MAD1L1: variants seen among roughly 807,000 people sequenced by gnomAD.
MAD1L1 encodes the protein mitotic arrest deficient 1 like 1, also known as mitotic spindle assembly checkpoint protein MAD1.
A neutral mutation model predicts 96.9 loss-of-function variants in MAD1L1; 95 were observed. That is an observed-to-expected ratio of 0.98 (90% confidence interval 0.83 to 1.16). The LOEUF is 1.16. Ranked by LOEUF, MAD1L1 falls within the 50% of genes most tolerant of loss-of-function variation. The pLI is 0.00. For missense variants in MAD1L1, 1,007 were observed against 954.4 expected, an observed-to-expected ratio of 1.06 and a Z score of -0.73; for synonymous variants, 473 against 396.6, an observed-to-expected ratio of 1.19 and a Z score of -2.29.
intron 10 of MAD1L1, among the ~76,000 whole-genome samples, chr7:2,151,271 A>C (rs376529830): frequency 1.1e-4 from 16 of 152,274 alleles, no homozygotes; most frequent in African/African-American, 3.9e-4. Context: ...AAAATCGCAT[A>C]TATCCACATC....
At chr7:1,906,999 A>AAG (rs1331726822) in intron 17 of MAD1L1, among the ~76,000 whole-genome samples, 1 of 152,158 alleles carries the variant, frequency 6.6e-6, no homozygotes, top group Non-Finnish European at 1.5e-5. Context: ...AGGCAGGCCG[A>AAG]AGAGAGGCCA....
At chr7:2,124,854 G>T (rs1327218006) in intron 11 of MAD1L1, among the ~76,000 whole-genome samples, 3 of 152,198 alleles carry the variant, frequency 2.0e-5, no homozygotes, top group East Asian at 1.9e-4. Flanking sequence ...GGTGAAGGAG[G>T]ACGCAGGGGC....
chr7:1,939,863 C>A (rs896968441), intron 16 of MAD1L1, among the ~76,000 whole-genome samples: 1 of 152,226 alleles, frequency 6.6e-6, no homozygotes, highest in African/African-American at 2.4e-5. Flanking sequence ...CCCTGGGGAC[C>A]TCACTTGGGC....
At chr7:2,067,608 G>C (rs956274670) in intron 12 of MAD1L1, among the ~76,000 whole-genome samples, 2 of 152,090 alleles carry the variant, frequency 1.3e-5, no homozygotes, top group Admixed American at 1.3e-4. Flanking sequence ...CCAAACCCCC[G>C]CAGTGGTCAG....
intron 17 of MAD1L1, among the ~76,000 whole-genome samples, chr7:1,925,311 A>G (rs140324004): frequency 0.013 from 1,971 of 152,330 alleles, 32 homozygotes; most frequent in African/African-American, 0.045. Flanking sequence ...AGGGAGAGAC[A>G]CTTTGAAATT....
chr7:1,928,437 G>T (rs565096021), intron 17 of MAD1L1, among the ~76,000 whole-genome samples: 47 of 147,108 alleles, frequency 3.2e-4, no homozygotes, highest in African/African-American at 9.8e-4. Flanking sequence ...TGCTCCCCAC[G>T]ACCCACCGGT....
chr7:2,031,090 C>G (rs945470960), intron 12 of MAD1L1, among the ~76,000 whole-genome samples: 65 of 152,246 alleles, frequency 4.3e-4, no homozygotes, highest in African/African-American at 1.5e-3. Flanking sequence ...CTCCAGCAGC[C>G]AGCTGTGCAT....
At chr7:1,983,931 T>G (rs1781037535) in intron 14 of MAD1L1, among the ~76,000 whole-genome samples, 1 of 152,262 alleles carries the variant, frequency 6.6e-6, no homozygotes, top group Non-Finnish European at 1.5e-5. Flanking sequence ...CCTATTAACT[T>G]CTGCTTTGAT....
At chr7:1,865,427 C>A (rs1784734112) in intron 18 of MAD1L1, among the ~76,000 whole-genome samples, 1 of 152,248 alleles carries the variant, frequency 6.6e-6, no homozygotes, top group Non-Finnish European at 1.5e-5. Context: ...GCCCTGAGTG[C>A]CCACAGCAGA....
intron 13 of MAD1L1, among the ~76,000 whole-genome samples, chr7:2,010,600 A>G (rs1782254270): frequency 6.6e-6 from 1 of 152,236 alleles, no homozygotes; most frequent in Non-Finnish European, 1.5e-5. Context: ...AAACTTCACC[A>G]GACGGGTCTG....
At chr7:1,958,693 G>A (rs1166008348) in intron 15 of MAD1L1, among the ~76,000 whole-genome samples, 6 of 152,234 alleles carry the variant, frequency 3.9e-5, no homozygotes, top group Non-Finnish European at 1.5e-5. Flanking sequence ...GCAGCAGGAA[G>A]ACACGGCCTA....
chr7:2,086,989 C>T (rs1785950229), intron 11 of MAD1L1, among the ~76,000 whole-genome samples: 1 of 152,210 alleles, frequency 6.6e-6, no homozygotes, highest in Non-Finnish European at 1.5e-5. Flanking sequence ...GAAAAAGCAA[C>T]ATCACTTTGA....
At chr7:2,124,913 G>A (rs897803061) in intron 11 of MAD1L1, among the ~76,000 whole-genome samples, 2 of 152,212 alleles carry the variant, frequency 1.3e-5, no homozygotes, top group African/African-American at 2.4e-5. Context: ...AAGGGTGCAG[G>A]AGCTGCAGGC....
intron 10 of MAD1L1, among the ~76,000 whole-genome samples, chr7:2,192,956 G>A (rs1368903028): frequency 2.0e-5 from 3 of 152,192 alleles, no homozygotes; most frequent in Non-Finnish European, 4.4e-5. Context: ...ATGTATTCAA[G>A]CTTAGCCCTG....
At chr7:1,857,701 G>A (rs1407417176) in intron 18 of MAD1L1, among the ~76,000 whole-genome samples, 1 of 152,234 alleles carries the variant, frequency 6.6e-6, no homozygotes, top group Non-Finnish European at 1.5e-5. Flanking sequence ...GGACACAGGA[G>A]TGTGGGCAAG....
rs913634885 is a variant in MAD1L1 at position 2,160,678 on chromosome 7, G to A, written c.987-11440C>T. ...GACAGAGGCTCGCTCTGTCGCCCAG[G>A]CTGGAGTGCAGTGACATGACCTCAG... On this transcript the variant is annotated intron_variant, in intron 10 of 18. Coordinates refer to ENST00000265854, the MANE Select transcript of MAD1L1 (RefSeq NM_001013836.2). Among the ~76,000 whole-genome samples, 5 of 151,996 alleles carry A rather than the reference G, an allele frequency of 3.3e-5. No individual in the cohort carries two copies. In the East Asian group the frequency reaches 7.8e-4, roughly 24 times the overall value.
chr7:2,231,535 A>G (rs1045336433), intron 1 of MAD1L1, among the ~76,000 whole-genome samples: 2 of 152,128 alleles, frequency 1.3e-5, no homozygotes, highest in Middle Eastern at 3.4e-3. Context: ...TGAACCCAGG[A>G]GATGGAGGTT....
At chr7:1,988,899 T>G (rs1781280336) in intron 14 of MAD1L1, among the ~76,000 whole-genome samples, 1 of 152,192 alleles carries the variant, frequency 6.6e-6, no homozygotes, top group South Asian at 2.1e-4. Flanking sequence ...TCCATGCCCC[T>G]TCCCAAGGCC....
chr7:2,194,876 C>T (rs938330960), intron 10 of MAD1L1, among the ~76,000 whole-genome samples: 2 of 152,106 alleles, frequency 1.3e-5, no homozygotes, highest in African/African-American at 4.8e-5. Context: ...GAGTTCAAGA[C>T]CATCCTGGCC....
Sources: gnomAD v4.1 joint callset for allele counts (sites outside exome capture counted in the v4.1 genomes callset) on GRCh38, gnomAD v4.1.1 for gene constraint, MANE v1.5 for transcripts, NCBI Gene and HGNC (gene_info 2026-07-23, HGNC 2026-07-21) for gene names.